ADAM22: variants seen among roughly 807,000 people sequenced by gnomAD.
ADAM22 encodes ADAM metallopeptidase domain 22, also known as disintegrin and metalloproteinase domain-containing protein 22.
A neutral mutation model predicts 144.6 loss-of-function variants in ADAM22; 65 were observed. The observed-to-expected ratio is 0.45, with a 90% confidence interval of 0.37 to 0.55. The LOEUF is 0.55. ADAM22 is among the 20% of genes least tolerant of loss of function. ADAM22 has a pLI of 0.00. For synonymous variants in ADAM22, 391 were observed against 412.6 expected, an observed-to-expected ratio of 0.95 and a Z score of 0.63; for missense variants, 974 against 1,184.9, an observed-to-expected ratio of 0.82 and a Z score of 2.61.
chr7:87,935,146 C>T lies in ADAM22; in HGVS notation c.206C>T (p.Ala69Val). The change falls in exon 2 of 32, where the codon GCG (alanine) becomes GTG (valine). Residue 69 changes from alanine to valine, a missense_variant. Physicochemically the swap from Ala to Val is moderately conservative, Grantham distance 64. Coordinates refer to ENST00000413139, the MANE Select transcript of ADAM22 (RefSeq NM_001324418.2). ...GGCGAAGACGAAAGTCGGCACGACG[C>T]GCTCGACACGCGGGTGCGGGGCGAC... ...SGGEDESRHD[A>V]LDTRVRGDLG... 5 of 1,612,628 alleles carry T rather than the reference C, an allele frequency of 3.1e-6. No individual in the cohort carries two copies. The highest frequency in any genetic ancestry group is 3.3e-4 in the Middle Eastern group (2 of 6,052).
chr7:87,939,659 CTA>C (rs1005545757), intron 2 of ADAM22, among the ~76,000 whole-genome samples: 1 of 152,148 alleles, frequency 6.6e-6, no homozygotes, highest in Non-Finnish European at 1.5e-5. Context: ...AGAGTAAGCA[CTA>C]TATGAGTCTT....
chr7:88,065,945 C>A (rs139893183), intron 3 of ADAM22, among the ~76,000 whole-genome samples: 145 of 152,158 alleles, frequency 9.5e-4, no homozygotes, highest in African/African-American at 3.4e-3. Flanking sequence ...CTGATATTAT[C>A]TTTTTAATTC....
chr7:88,135,078 G>T (rs1182751771), intron 13 of ADAM22, among the ~76,000 whole-genome samples: 2 of 151,850 alleles, frequency 1.3e-5, no homozygotes, highest in East Asian at 3.9e-4. Flanking sequence ...AGGTGTTCGA[G>T]ACCAGCTTTG....
intron 3 of ADAM22, among the ~76,000 whole-genome samples, chr7:88,015,237 G>A (rs549598797): frequency 9.2e-4 from 140 of 152,278 alleles, no homozygotes; most frequent in Non-Finnish European, 1.5e-3. Context: ...CCTAATAAGT[G>A]TTATCTGTTG....
intron 12 of ADAM22, among the ~76,000 whole-genome samples, chr7:88,133,179 A>G (rs756027601): frequency 3.9e-5 from 6 of 151,996 alleles, no homozygotes; most frequent in African/African-American, 1.2e-4. Flanking sequence ...CCTGGGTAAC[A>G]TGGCAAAATC....
At chr7:87,955,164 T>A (rs903522370) in intron 2 of ADAM22, among the ~76,000 whole-genome samples, 4 of 152,368 alleles carry the variant, frequency 2.6e-5, no homozygotes, top group African/African-American at 9.6e-5. Context: ...CCAGCTTTGT[T>A]CCGTTGCTGG....
At chr7:87,965,367 G>T (rs1296869622) in intron 2 of ADAM22, among the ~76,000 whole-genome samples, 2 of 152,114 alleles carry the variant, frequency 1.3e-5, no homozygotes, top group East Asian at 3.8e-4. Flanking sequence ...TTTTAGACGA[G>T]TGAGATATGT....
intron 2 of ADAM22, among the ~76,000 whole-genome samples, chr7:87,943,449 T>C (rs1225286948): frequency 1.3e-5 from 2 of 152,114 alleles, no homozygotes; most frequent in Non-Finnish European, 2.9e-5. Flanking sequence ...CCTAACGTTA[T>C]TTCTTGGTCT....
chr7:88,097,964 C>T (rs149993790), intron 4 of ADAM22, among the ~76,000 whole-genome samples: 1 of 152,260 alleles, frequency 6.6e-6, no homozygotes, highest in Non-Finnish European at 1.5e-5. Context: ...TTTCCATTCT[C>T]CCAATTTAGA....
chr7:88,077,851 C>T (rs530845298), intron 4 of ADAM22, among the ~76,000 whole-genome samples: 2 of 152,324 alleles, frequency 1.3e-5, no homozygotes, highest in Non-Finnish European at 2.9e-5. Context: ...CCCAGAAGCT[C>T]GAACTGGGTG....
chr7:87,973,350 C>G (rs998976857), intron 2 of ADAM22, among the ~76,000 whole-genome samples: 2 of 152,180 alleles, frequency 1.3e-5, no homozygotes, highest in East Asian at 3.8e-4. Context: ...CTCACCATCA[C>G]TGGCCATCAG....
chr7:88,077,195 T>C (rs1032640438), intron 4 of ADAM22, among the ~76,000 whole-genome samples: 1 of 152,248 alleles, frequency 6.6e-6, no homozygotes, highest in Admixed American at 6.5e-5. Context: ...TAAAGCTTTT[T>C]ATTTAAACTG....
intron 2 of ADAM22, among the ~76,000 whole-genome samples, chr7:87,936,704 A>G (rs949003916): frequency 8.5e-5 from 13 of 152,106 alleles, no homozygotes; most frequent in Non-Finnish European, 1.6e-4. Flanking sequence ...GGATTCTTTT[A>G]AAAATGCAAC....
Position 87,935,135 on chromosome 7 carries a change from T to C in ADAM22, c.195T>C (p.Ser65=). The C allele has an allele frequency of 6.2e-7, 1 of 1,613,272 alleles. No individual in the cohort carries two copies. Among genetic ancestry groups the C allele is most frequent in the South Asian group, 1.1e-5 (1 of 91,038 alleles). Residue 65 remains serine, a synonymous_variant, in exon 2 of 32, where the codon AGT becomes AGC. Coordinates refer to ENST00000413139, the MANE Select transcript of ADAM22 (RefSeq NM_001324418.2). ...LIYRSGGEDE[S]RHDALDTRVR... ...ACCGCTCGGGCGGCGAAGACGAAAG[T>C]CGGCACGACGCGCTCGACACGCGGG...
intron 4 of ADAM22, among the ~76,000 whole-genome samples, chr7:88,106,811 CA>C (rs1824521000): frequency 6.6e-6 from 1 of 152,112 alleles, no homozygotes; most frequent in African/African-American, 2.4e-5. Flanking sequence ...CTAGTGATGT[CA>C]ATGCTGCTTG....
chr7:88,113,699 A>ATGTGT (rs1554478638), intron 5 of ADAM22, among the ~76,000 whole-genome samples: 1 of 39,462 alleles, frequency 2.5e-5, no homozygotes, highest in Admixed American at 3.2e-4. Context: ...TAAATAAATA[A>ATGTGT]ATAAATATAT....
intron 3 of ADAM22, among the ~76,000 whole-genome samples, chr7:87,997,334 C>T (rs1345509650): frequency 2.6e-5 from 4 of 152,218 alleles, no homozygotes; most frequent in South Asian, 4.1e-4. Flanking sequence ...TCACTTAATA[C>T]GCATGAATTA....
At chr7:87,981,800 A>G (rs1637492) in intron 3 of ADAM22, among the ~76,000 whole-genome samples, 67,108 of 151,636 alleles carry the variant, frequency 0.44, 15,872 homozygotes, top group Non-Finnish European at 0.51. Context: ...CTATATTTAC[A>G]GTGTGGCTGA....
chr7:88,127,641 A>G (rs987670610), intron 8 of ADAM22, among the ~76,000 whole-genome samples: 1 of 151,814 alleles, frequency 6.6e-6, no homozygotes, highest in Non-Finnish European at 1.5e-5. Flanking sequence ...GACAAAATCC[A>G]TGTGGGAGCA....
Sources: gnomAD v4.1 joint callset for allele counts (sites outside exome capture counted in the v4.1 genomes callset) on GRCh38, gnomAD v4.1.1 for gene constraint, MANE v1.5 for transcripts, NCBI Gene and HGNC (gene_info 2026-07-23, HGNC 2026-07-21) for gene names.